The following CLIP4 variants were observed in gnomAD, a reference collection of about 807,000 sequenced individuals.
The protein encoded by CLIP4 is CAP-Gly domain-containing linker protein 4.
CLIP4 carries 47 observed loss-of-function variants against 73.1 expected under a neutral mutation model. That is an observed-to-expected ratio of 0.64 (90% CI 0.51 to 0.82). The LOEUF (loss-of-function observed/expected upper bound fraction) is 0.82. CLIP4 is among the 40% of genes least tolerant of loss of function. The pLI is 0.00. For missense variants in CLIP4, 874 were observed against 852.9 expected, an observed-to-expected ratio of 1.02 and a Z score of -0.31; for synonymous variants, 306 against 295.4, an observed-to-expected ratio of 1.04 and a Z score of -0.37.
intron 1 of CLIP4, among the ~76,000 whole-genome samples, chr2:29,117,606 A>G (rs1356543959): frequency 1.3e-5 from 2 of 152,272 alleles, no homozygotes; most frequent in East Asian, 1.9e-4. Flanking sequence ...TGTTGGGATT[A>G]CAGGCATGAG....
chr2:29,156,846 T>C (rs910738268), intron 10 of CLIP4, among the ~76,000 whole-genome samples: 2 of 129,188 alleles, frequency 1.5e-5, no homozygotes, highest in Non-Finnish European at 3.3e-5. Context: ...CCTTAAAACA[T>C]ATTAATATCA....
chr2:29,177,434 A>T (rs1189039915), intron 15 of CLIP4, among the ~76,000 whole-genome samples: 2 of 150,724 alleles, frequency 1.3e-5, no homozygotes, highest in East Asian at 3.9e-4. Context: ...TACAAAAATT[A>T]GCTGGGCATG....
At chr2:29,134,282 A>G (rs1000779664) in intron 5 of CLIP4, among the ~76,000 whole-genome samples, 3 of 152,166 alleles carry the variant, frequency 2.0e-5, no homozygotes, top group African/African-American at 4.8e-5. Flanking sequence ...ATATCCTGAA[A>G]TTGAAGATCT....
chr2:29,125,340 CCTTA>C (rs1183049267), intron 2 of CLIP4, among the ~76,000 whole-genome samples: 1 of 152,160 alleles, frequency 6.6e-6, no homozygotes, highest in East Asian at 1.9e-4. Flanking sequence ...TGGTTCTTTC[CCTTA>C]CTTCAAGTAT....
upstream of CLIP4, chr2:29,114,850 C>T (rs1231876048): frequency 6.6e-6 from 1 of 152,230 alleles, no homozygotes; most frequent in Non-Finnish European, 1.5e-5. Flanking sequence ...TACTAGGTCT[C>T]CTCATTAAGG....
chr2:29,108,682 C>T (rs1044318370), intron 1 of CLIP4, among the ~76,000 whole-genome samples: 37 of 152,270 alleles, frequency 2.4e-4, no homozygotes, highest in Middle Eastern at 3.4e-3. Context: ...TTTAAGGGAG[C>T]ACATTAAAGC....
chr2:29,122,942 C>G (rs1664367438), intron 2 of CLIP4, among the ~76,000 whole-genome samples: 1 of 151,404 alleles, frequency 6.6e-6, no homozygotes, highest in South Asian at 2.1e-4. Flanking sequence ...TTCAGGATCT[C>G]TGTCAGATAA....
At chr2:29,126,329 G>T (rs1156467815) in intron 2 of CLIP4, among the ~76,000 whole-genome samples, 1 of 152,196 alleles carries the variant, frequency 6.6e-6, no homozygotes, top group Non-Finnish European at 1.5e-5. Context: ...GTAGCTTAGA[G>T]GTTATGTTCT....
intron 1 of CLIP4, among the ~76,000 whole-genome samples, chr2:29,120,871 A>G (rs1156433312): frequency 6.6e-6 from 1 of 152,152 alleles, no homozygotes; most frequent in East Asian, 1.9e-4. Context: ...AAACTCTTAG[A>G]TTTGTAAGAG....
rs1382655181 is a variant in CLIP4, at chr2:29,175,615, A to G, written c.1796+1170A>G. On this transcript the variant is annotated intron_variant, in intron 15 of 15. Coordinates refer to ENST00000320081, the MANE Select transcript of CLIP4 (RefSeq NM_024692.6). ...TTATACAGCAGGTATGGTTATACAC[A>G]AGACGCTCTGTAGACGTGAGGTGGA... is the stretch of plus-strand genomic sequence containing the variant. 2.6e-5 allele frequency: 4 copies of G among 152,202 alleles called. No homozygotes were observed. In the East Asian group the frequency reaches 7.7e-4, roughly 29 times the overall value. 9.4% of individuals were successfully genotyped at this position (152,202 alleles called of 1,614,324 possible). A position where few individuals can be genotyped will look rare whatever the true frequency, so the allele number is the denominator to read the frequency against.
intron 6 of CLIP4, among the ~76,000 whole-genome samples, chr2:29,142,731 G>A (rs191030034): frequency 6.6e-6 from 1 of 152,302 alleles, no homozygotes; most frequent in African/African-American, 2.4e-5. Context: ...ATTTGAAGAA[G>A]ATTGTATCAG....
rs1573031787 is a variant in CLIP4 at position 29,172,048 on chromosome 2, G to A, written c.1724-2325G>A. On this transcript the variant is annotated intron_variant, in intron 14 of 15. Transcript: ENST00000320081. ...TTCATTCTGTTTACTGCCTCTACTT[G>A]TGTAGAAGTTATAGTCTATGAATAT... is the stretch of plus-strand genomic sequence containing the variant. Among the ~76,000 whole-genome samples the A allele has an allele frequency of 2.4e-5, 3 of 126,720 alleles. No homozygotes were observed. The Admixed American group carries it at 2.6e-4, about 11-fold the overall frequency. The allele number at this position is 126,720 out of a possible 152,430, so 83.1% of individuals were successfully genotyped here. A position where few individuals can be genotyped will look rare whatever the true frequency, so the allele number is the denominator to read the frequency against.
At position 29,182,772 on chromosome 2, in the gene CLIP4, T is replaced by C. The variant is rs1227453821; in HGVS notation, c.*879T>C. 2.6e-5 allele frequency: 4 copies of C among 152,668 alleles called. No individual in the cohort carries two copies. The highest frequency in any genetic ancestry group is 5.9e-5 in the Non-Finnish European group (4 of 68,046). 9.5% of individuals were successfully genotyped at this position (152,668 alleles called of 1,614,324 possible). A position where few individuals can be genotyped will look rare whatever the true frequency, so the allele number is the denominator to read the frequency against. ...CCTTATTGGATATGTTTGTAACACA[T>C]AAACACAAAGCACTTTTCAAACATG... On this transcript the variant is annotated 3_prime_UTR_variant, in exon 16 of 16. Transcript: ENST00000320081.
intron 9 of CLIP4, among the ~76,000 whole-genome samples, chr2:29,155,640 A>T (rs1666874238): frequency 6.6e-6 from 1 of 152,298 alleles, no homozygotes; most frequent in South Asian, 2.1e-4. Flanking sequence ...AAAAATAAAA[A>T]TTTACTCTTC....
chr2:29,118,779 G>A (rs536280856), intron 1 of CLIP4, among the ~76,000 whole-genome samples: 12 of 152,030 alleles, frequency 7.9e-5, no homozygotes, highest in Admixed American at 7.2e-4. Flanking sequence ...CATGGCCTCC[G>A]AAAGTGCTGG....
At chr2:29,181,018 T>C (rs1034227101) in intron 15 of CLIP4, among the ~76,000 whole-genome samples, 1 of 152,120 alleles carries the variant, frequency 6.6e-6, no homozygotes, top group African/African-American at 2.4e-5. Flanking sequence ...ATCCCCTGCT[T>C]GCCTGCAACA....
rs3099561 is a variant in CLIP4, at chr2:29,136,180, T to C, written c.648+514T>C. 2.0e-5 allele frequency among the ~76,000 whole-genome samples: 3 copies of C among 149,606 alleles called. No homozygotes were observed. The East Asian group carries it at 5.8e-4, about 29-fold the overall frequency. ...AATTTCATAGTCTTCAGATCATTTG[T>C]TGTTGTTGTTTTTTTTTTTCAGAAA... On this transcript the variant is annotated intron_variant, in intron 6 of 15. Transcript: ENST00000320081.
rs139683869 is a variant in CLIP4, at chr2:29,181,574, C to A, written c.1799C>A (p.Ser600Ter). 1 of 1,602,604 alleles carries A rather than the reference C, an allele frequency of 6.2e-7. No homozygotes were observed. Among genetic ancestry groups the A allele is most frequent in the Non-Finnish European group, 8.5e-7 (1 of 1,172,630 alleles). ...TCCCACTTTTCCCTTCCGCACAGATCGAAAGCTGCTTTGCGTCGCAGTTGG... is the reference window on the plus strand; with the variant it reads ...TCCCACTTTTCCCTTCCGCACAGATAGAAAGCTGCTTTGCGTCGCAGTTGG... Reference protein sequence around the residue: ...EINRRNAFSKSKAALRRSWSS... With the variant: ...EINRRNAFSK The change falls in exon 16 of 16, where the codon TCG (serine) becomes TAG (stop). Residue 600 changes from serine (S) to a stop codon, truncating the protein, a stop_gained and splice_region_variant. Transcript: ENST00000320081. LOFTEE classifies it low-confidence loss of function (END_TRUNC).
chr2:29,179,951 C>G (rs1460719280), intron 15 of CLIP4, among the ~76,000 whole-genome samples: 1 of 152,154 alleles, frequency 6.6e-6, no homozygotes, highest in Non-Finnish European at 1.5e-5. Context: ...CTCAGTTTTC[C>G]TATCCATTAA....
Sources: gnomAD v4.1 joint callset for allele counts (sites outside exome capture counted in the v4.1 genomes callset) on GRCh38, gnomAD v4.1.1 for gene constraint, MANE v1.5 for transcripts, NCBI Gene and HGNC (gene_info 2026-07-23, HGNC 2026-07-21) for gene names.